The following AKAP13 variants were observed in gnomAD, a reference collection of about 807,000 sequenced individuals.
AKAP13 encodes the protein A-kinase anchor protein 13.
Under a neutral mutation model 264.5 loss-of-function variants are expected in AKAP13, and 80 were observed. The observed-to-expected ratio is 0.30, with a 90% CI of 0.25 to 0.36. AKAP13 has a LOEUF of 0.36. AKAP13 is among the 10% of genes least tolerant of loss of function. The pLI is 1.00. For synonymous variants in AKAP13, 1,380 were observed against 1,250.2 expected (o/e 1.10, Z -2.19); for missense variants, 3,712 against 3,435.2 (o/e 1.08, Z -2.01).
At chr15:85,662,862 A>C (rs1450024072) in intron 12 of AKAP13, among the ~76,000 whole-genome samples, 1 of 148,588 alleles carries the variant, frequency 6.7e-6, no homozygotes, top group Non-Finnish European at 1.5e-5. Context: ...GAGACTCCTC[A>C]TCGTTTCATA....
chr15:85,622,382 A>G (rs2081233604), intron 8 of AKAP13, among the ~76,000 whole-genome samples: 1 of 152,150 alleles, frequency 6.6e-6, no homozygotes, highest in African/African-American at 2.4e-5. Flanking sequence ...CAGTGAATAC[A>G]GGGCCCTGAG....
rs551243854 is a variant in AKAP13, at chr15:85,522,839, C to T, written c.181+1264C>T. Among the ~76,000 whole-genome samples, 100 of 152,154 alleles carry T rather than the reference C, an allele frequency of 6.6e-4. 2 individuals are homozygous for T. The South Asian group carries it at 0.02, about 30-fold the overall frequency. On this transcript the variant is annotated intron_variant, in intron 3 of 36. Transcript: ENST00000394518. ...TACCTGGCTTTTCTTCTGTTTTCTG[C>T]TAATCATCTCTCCTCTTAGCCACAT...
At chr15:85,666,472 G>A (rs1251213171) in intron 13 of AKAP13, among the ~76,000 whole-genome samples, 5 of 151,640 alleles carry the variant, frequency 3.3e-5, no homozygotes, top group Admixed American at 6.6e-5. Context: ...TCTGTAGGTC[G>A]CCTGTTCACT....
At chr15:85,473,744 C>T (rs2075049617) in intron 1 of AKAP13, among the ~76,000 whole-genome samples, 1 of 152,296 alleles carries the variant, frequency 6.6e-6, no homozygotes, top group South Asian at 2.1e-4. Flanking sequence ...AGGTGAAGCC[C>T]AACCTCTTGC....
intron 10 of AKAP13, 109 bp from the exon 11 acceptor site, chr15:85,655,308 T>C: frequency 7.2e-7 from 1 of 1,394,252 alleles, no homozygotes; most frequent in Non-Finnish European, 9.6e-7. Flanking sequence ...CCAATTATGA[T>C]CTTACCTGCC....
chr15:85,471,426 C>T (rs573455870), intron 1 of AKAP13, among the ~76,000 whole-genome samples: 2 of 152,148 alleles, frequency 1.3e-5, no homozygotes, highest in Non-Finnish European at 2.9e-5. Context: ...ACCCAAGAGG[C>T]GGAGCTTGCA....
intron 19 of AKAP13, among the ~76,000 whole-genome samples, chr15:85,713,473 G>T (rs1255032527): frequency 6.7e-6 from 1 of 149,270 alleles, no homozygotes; most frequent in Non-Finnish European, 1.5e-5. Context: ...TATCCGCTCA[G>T]TGACCTCCCT....
chr15:85,630,234 A>AACACACACACACACACAC (rs71141472), intron 8 of AKAP13, among the ~76,000 whole-genome samples: 3,109 of 119,006 alleles, frequency 0.026, 93 homozygotes, highest in East Asian at 0.064. Flanking sequence ...GGAAAATTGT[A>AACACACACACACACACAC]ACACACACAC....
chr15:85,586,452 C>G lies in AKAP13; in HGVS notation c.4161+629C>G, dbSNP rs556782183. On this transcript the variant is annotated intron_variant, in intron 8 of 36. Coordinates refer to ENST00000394518, the MANE Select transcript of AKAP13 (RefSeq NM_007200.5). ...GAACTGGCCTCAAGTGATCCACCTGCCTCAGCCTCCCAAAGTGCTGGGATT... is the reference window on the plus strand; with the variant it reads ...GAACTGGCCTCAAGTGATCCACCTGGCTCAGCCTCCCAAAGTGCTGGGATT... Among the ~76,000 whole-genome samples, 4 of 152,242 alleles carry G rather than the reference C, an allele frequency of 2.6e-5. No individual in the cohort carries two copies. The South Asian group carries it at 8.3e-4, about 32-fold the overall frequency.
rs1386392334 is a variant in AKAP13, at chr15:85,585,726, A to T, written c.4064A>T (p.Asp1355Val). 5.0e-6 allele frequency: 8 copies of T among 1,614,180 alleles called. No homozygotes were observed. Among genetic ancestry groups the T allele is most frequent in the African/African-American group, 1.3e-5 (1 of 75,076 alleles). ...GAAATGCCAGACGTGAAAGCTGAAG[A>T]TGAAGTGGATTTTAGAGCAAGTTCA... is the stretch of plus-strand genomic sequence containing the variant. The part of the protein sequence containing the change: ...AAEMPDVKAE[D>V]EVDFRASSIS... Residue 1355 changes from aspartate (D) to valine (V), a missense_variant, in exon 8 of 37, where the codon GAT becomes GTT. By Grantham distance (152) the Asp-to-Val change is radical. Coordinates refer to ENST00000394518, the MANE Select transcript of AKAP13 (RefSeq NM_007200.5).
chr15:85,520,654 G>A (rs748449351), intron 2 of AKAP13: 1 of 518,854 alleles, frequency 1.9e-6, no homozygotes, highest in Non-Finnish European at 3.8e-6. Context: ...AATGTCAGAT[G>A]GTCAGGAAAT....
intron 1 of AKAP13, among the ~76,000 whole-genome samples, chr15:85,462,852 G>A (rs541237293): frequency 0.01 from 1,520 of 150,616 alleles, 16 homozygotes; most frequent in Middle Eastern, 0.017. Flanking sequence ...ATGAAACCCC[G>A]TCTCTACTAA....
intron 5 of AKAP13, among the ~76,000 whole-genome samples, chr15:85,554,209 C>T (rs2078059756): frequency 6.6e-6 from 1 of 152,118 alleles, no homozygotes; most frequent in African/African-American, 2.4e-5. Context: ...TATTGTTTAA[C>T]ATCTCTTATA....
chr15:85,590,647 C>G (rs576841199), intron 8 of AKAP13, among the ~76,000 whole-genome samples: 1 of 152,130 alleles, frequency 6.6e-6, no homozygotes, highest in Non-Finnish European at 1.5e-5. Context: ...TGAAAATGTT[C>G]ACAATTTTTG....
At position 85,579,276 on chromosome 15, in the gene AKAP13, G is replaced by C; in HGVS notation, c.1208G>C (p.Ser403Thr). Residue 403 changes from serine (S) to threonine (T), a missense_variant, in exon 7 of 37, where the codon AGC (serine) becomes ACC (threonine). This residue lies in a region of AKAP13 where 2,759 missense variants were observed against 2,411.7 expected (regional missense o/e 1.14). Coordinates refer to ENST00000394518, the MANE Select transcript of AKAP13 (RefSeq NM_007200.5). Reference protein sequence around the residue: ...TVSDQDSCLQSLPDCGVKGTE... With the variant: ...TVSDQDSCLQTLPDCGVKGTE... ...TCTGATCAAGACAGCTGCCTTCAGA[G>C]CTTGCCTGATTGTGGAGTAAAGGGC... is the stretch of plus-strand genomic sequence containing the variant. 1 of 1,614,242 alleles carries C rather than the reference G, an allele frequency of 6.2e-7. No homozygotes were observed. The highest frequency in any genetic ancestry group is 1.1e-5 in the South Asian group (1 of 91,086).
At chr15:85,518,979 G>C (rs2076709465) in intron 2 of AKAP13, among the ~76,000 whole-genome samples, 1 of 152,204 alleles carries the variant, frequency 6.6e-6, no homozygotes, top group Non-Finnish European at 1.5e-5. Context: ...GACTTCACTA[G>C]TATCTTGGGG....
At chr15:85,493,147 C>G (rs1002659313) in intron 2 of AKAP13, among the ~76,000 whole-genome samples, 5 of 152,162 alleles carry the variant, frequency 3.3e-5, no homozygotes, top group Non-Finnish European at 7.4e-5. Flanking sequence ...TTTAAGGGGG[C>G]GTTGTCTCTG....
intron 8 of AKAP13, among the ~76,000 whole-genome samples, chr15:85,594,673 T>C (rs1346154885): frequency 6.6e-6 from 1 of 152,194 alleles, no homozygotes; most frequent in East Asian, 1.9e-4. Flanking sequence ...GCTGCTTGTT[T>C]TTGCCTGTAA....
chr15:85,586,651 C>T (rs184083233), intron 8 of AKAP13, among the ~76,000 whole-genome samples: 12 of 152,152 alleles, frequency 7.9e-5, no homozygotes, highest in African/African-American at 2.4e-4. Context: ...ATAGGCCAGA[C>T]GCGGTGGCTC....
Sources: gnomAD v4.1 joint callset for allele counts (sites outside exome capture counted in the v4.1 genomes callset) on GRCh38, gnomAD v4.1.1 for gene constraint, gnomAD v4.1.1 regional missense constraint, MANE v1.5 for transcripts, NCBI Gene and HGNC (gene_info 2026-07-23, HGNC 2026-07-21) for gene names.